The following BMPR1B variants were observed in gnomAD, a reference collection of about 807,000 sequenced individuals.
The protein encoded by BMPR1B is bone morphogenetic protein receptor type-1B.
Under a neutral mutation model 59.1 loss-of-function variants are expected in BMPR1B, and 12 were observed. The ratio of observed to expected loss-of-function variants is 0.20; its 90% CI spans 0.13 to 0.33. BMPR1B has a LOEUF of 0.33. Among genes scored for constraint, BMPR1B ranks in the 10% least tolerant of loss-of-function variants. BMPR1B has a pLI of 1.00. For synonymous variants in BMPR1B, 237 were observed against 207.3 expected (o/e 1.14, Z -1.23); for missense variants, 550 against 610.9 (o/e 0.90, Z 1.05).
intron 1 of BMPR1B, among the ~76,000 whole-genome samples, chr4:94,797,796 A>C (rs143020269): frequency 9.8e-4 from 149 of 152,336 alleles, no homozygotes; most frequent in Middle Eastern, 3.4e-3. Flanking sequence ...GATGATTCTT[A>C]TTATTAAACA....
chr4:94,996,713 G>A (rs1722082925), intron 3 of BMPR1B, among the ~76,000 whole-genome samples: 1 of 152,174 alleles, frequency 6.6e-6, no homozygotes, highest in Admixed American at 6.5e-5. Flanking sequence ...CTAATCCACG[G>A]TGCCAAAGGC....
At chr4:94,876,292 C>A (rs1213282062) in intron 2 of BMPR1B, among the ~76,000 whole-genome samples, 1 of 152,154 alleles carries the variant, frequency 6.6e-6, no homozygotes, top group African/African-American at 2.4e-5. Flanking sequence ...CATTTTAAAG[C>A]AAATCCATCC....
At chr4:94,824,080 T>C (rs1415616741) in intron 1 of BMPR1B, among the ~76,000 whole-genome samples, 1 of 152,194 alleles carries the variant, frequency 6.6e-6, no homozygotes, top group African/African-American at 2.4e-5. Context: ...TAAAGCCTTA[T>C]TTGGTGTTTA....
intron 1 of BMPR1B, among the ~76,000 whole-genome samples, chr4:94,786,767 ATC>A (rs1057161164): frequency 6.6e-6 from 1 of 151,650 alleles, no homozygotes; most frequent in African/African-American, 2.4e-5. Context: ...GATAGTCTTG[ATC>A]TCCTGACCTC....
intron 3 of BMPR1B, among the ~76,000 whole-genome samples, chr4:95,018,687 C>G (rs1393923715): frequency 6.6e-6 from 1 of 152,136 alleles, no homozygotes; most frequent in African/African-American, 2.4e-5. Flanking sequence ...TTTCACACAA[C>G]TGAAATGTCT....
chr4:94,908,061 T>TAAAAAA (rs571793477), intron 2 of BMPR1B, among the ~76,000 whole-genome samples: 44 of 46,228 alleles, frequency 9.5e-4, no homozygotes, highest in African/African-American at 2.2e-3. Context: ...ACCCTGTCTT[T>TAAAAAA]AAAAAAAAAA....
intron 3 of BMPR1B, among the ~76,000 whole-genome samples, chr4:95,020,647 T>C (rs1723916805): frequency 6.6e-6 from 1 of 152,048 alleles, no homozygotes; most frequent in South Asian, 2.1e-4. Context: ...TTGAGAAACT[T>C]GCCCTACGTA....
intron 2 of BMPR1B, among the ~76,000 whole-genome samples, chr4:94,930,088 G>A (rs1202228037): frequency 2.0e-5 from 3 of 151,900 alleles, no homozygotes; most frequent in Non-Finnish European, 2.9e-5. Flanking sequence ...GGATTACATC[G>A]TTTTTCACCG....
At chr4:94,851,953 G>A (rs968403965) in intron 1 of BMPR1B, among the ~76,000 whole-genome samples, 6 of 152,198 alleles carry the variant, frequency 3.9e-5, no homozygotes, top group Non-Finnish European at 8.8e-5. Flanking sequence ...TAGGCTCATA[G>A]TGTGTTATCA....
intron 1 of BMPR1B, among the ~76,000 whole-genome samples, chr4:94,851,037 C>G (rs1725549561): frequency 7.9e-6 from 1 of 125,958 alleles, no homozygotes; most frequent in African/African-American, 3.4e-5. Context: ...TCTATTTCCA[C>G]TGGGAATTCT....
chr4:94,818,902 TGG>T (rs548542307), intron 1 of BMPR1B, among the ~76,000 whole-genome samples: 65 of 152,074 alleles, frequency 4.3e-4, no homozygotes, highest in Middle Eastern at 6.9e-3. Flanking sequence ...GAGGCTGAGG[TGG>T]GAGGATTGCT....
At chr4:94,825,864 A>G (rs2110661832) in intron 1 of BMPR1B, among the ~76,000 whole-genome samples, 1 of 152,324 alleles carries the variant, frequency 6.6e-6, no homozygotes, top group African/African-American at 2.4e-5. Flanking sequence ...TACACATTAC[A>G]TTTGTAGAGA....
chr4:94,795,872 A>G (rs1426786816), intron 1 of BMPR1B, among the ~76,000 whole-genome samples: 2 of 152,116 alleles, frequency 1.3e-5, no homozygotes, highest in Non-Finnish European at 2.9e-5. Context: ...TGAATTCTAT[A>G]TTTGGTAGAT....
chr4:94,805,186 G>A (rs997284732), intron 1 of BMPR1B, among the ~76,000 whole-genome samples: 1 of 152,132 alleles, frequency 6.6e-6, no homozygotes, highest in Non-Finnish European at 1.5e-5. Context: ...AGAAGCAGAG[G>A]AGGCCAGAGA....
chr4:95,073,371 T>C (rs190851862), intron 3 of BMPR1B, among the ~76,000 whole-genome samples: 1 of 152,172 alleles, frequency 6.6e-6, no homozygotes, highest in East Asian at 1.9e-4. Flanking sequence ...ATGCAACATT[T>C]TGGTGAATGT....
chr4:94,822,707 A>G (rs571779793), intron 1 of BMPR1B, among the ~76,000 whole-genome samples: 2 of 152,296 alleles, frequency 1.3e-5, no homozygotes, highest in Admixed American at 6.5e-5. Context: ...AGTCACTGCC[A>G]TAGACTTAGC....
intron 1 of BMPR1B, among the ~76,000 whole-genome samples, chr4:94,786,678 A>G (rs979107120): frequency 2.0e-5 from 3 of 151,896 alleles, no homozygotes; most frequent in Non-Finnish European, 4.4e-5. Flanking sequence ...AGCTGGGACT[A>G]CAGGCACCCA....
intron 1 of BMPR1B, among the ~76,000 whole-genome samples, chr4:94,817,831 T>C (rs1471402033): frequency 6.6e-6 from 1 of 152,210 alleles, no homozygotes; most frequent in Admixed American, 6.6e-5. Flanking sequence ...TTTTCTCCTT[T>C]TCCAACTACT....
intron 6 of BMPR1B, among the ~76,000 whole-genome samples, chr4:95,116,329 A>AATATTGCCTCCCAAG (rs905236011): frequency 2.6e-5 from 4 of 151,230 alleles, no homozygotes; most frequent in Non-Finnish European, 5.9e-5. Context: ...TAAAATGACA[A>AATATTGCCTCCCAAG]ATATTGCCTC....
Sources: allele counts gnomAD v4.1 joint callset (sites outside exome capture counted in the v4.1 genomes callset), GRCh38; gene constraint gnomAD v4.1.1; transcripts MANE v1.5; gene names NCBI Gene and HGNC (gene_info 2026-07-23, HGNC 2026-07-21).